The following EIF5B variants were observed in gnomAD, a reference collection of about 807,000 sequenced individuals.
The protein encoded by EIF5B is eIF-5B.
A neutral mutation model predicts 147.5 loss-of-function variants in EIF5B; 47 were observed. That is an observed-to-expected ratio of 0.32 (90% CI 0.25 to 0.41). The LOEUF (loss-of-function observed/expected upper bound fraction) is 0.41. Among genes scored for constraint, EIF5B ranks in the 10% least tolerant of loss-of-function variants. EIF5B has a pLI of 1.00. For missense variants in EIF5B, 1,064 were observed against 1,413.2 expected (o/e 0.75, Z 3.96); for synonymous variants, 455 against 456.2 (o/e 1.00, Z 0.03).
At chr2:99,340,951 G>C (rs1193848341) in intron 1 of EIF5B, among the ~76,000 whole-genome samples, 3 of 152,084 alleles carry the variant, frequency 2.0e-5, no homozygotes, top group Non-Finnish European at 4.4e-5. Context: ...TTTTAGTAGG[G>C]ACAGGGTTTC....
intron 22 of EIF5B, chr2:99,398,509 G>A (rs924048059): frequency 8.5e-6 from 3 of 354,152 alleles, no homozygotes; most frequent in Admixed American, 4.5e-5. Context: ...CAGGGCACTT[G>A]GAATGTTTTG....
rs1407039462 is a variant in EIF5B at position 99,399,991 on chromosome 2, T to C, written c.*577T>C. 6.5e-6 allele frequency: 1 copy of C among 152,882 alleles called. No individual in the cohort carries two copies. Among genetic ancestry groups the C allele is most frequent in the Non-Finnish European group, 1.5e-5 (1 of 68,258 alleles). 9.5% of individuals were successfully genotyped at this position (152,882 alleles called of 1,614,324 possible). A position where few individuals can be genotyped will look rare whatever the true frequency, so the allele number is the denominator to read the frequency against. On this transcript the variant is annotated 3_prime_UTR_variant, in exon 24 of 24. Coordinates refer to ENST00000289371, the MANE Select transcript of EIF5B (RefSeq NM_015904.4). Reference sequence around the variant, plus strand: ...AGCACAGCTGGCTGCTTTTTACTGCTTGTGTAGTCACGAGTCCATTGTAAT... The same window carrying C: ...AGCACAGCTGGCTGCTTTTTACTGCCTGTGTAGTCACGAGTCCATTGTAAT...
At chr2:99,361,959 C>T (rs1054324693) in intron 4 of EIF5B, 139 bp downstream of exon 4, 30 of 656,908 alleles carry the variant, frequency 4.6e-5, no homozygotes, top group East Asian at 6.4e-5. Context: ...TAAAAAATTA[C>T]GTCTAAGTAT....
chr2:99,382,439 G>A (rs2104230177), intron 13 of EIF5B, among the ~76,000 whole-genome samples: 1 of 152,262 alleles, frequency 6.6e-6, no homozygotes, highest in Non-Finnish European at 1.5e-5. Context: ...CCCTTAATGT[G>A]GAATGCAGAA....
At chr2:99,364,171 T>A (rs1674278650) in intron 5 of EIF5B, 100 bp from the exon 6 acceptor site, 2 of 1,435,950 alleles carry the variant, frequency 1.4e-6, no homozygotes, top group African/African-American at 1.4e-5. Context: ...ATACTTTGCA[T>A]GTGTCTCAAG....
chr2:99,364,145 G>T, intron 5 of EIF5B, 126 bp from the exon 6 acceptor site: 2 of 1,295,332 alleles, frequency 1.5e-6, no homozygotes, highest in Non-Finnish European at 1.1e-6. Context: ...ACTTTGATTT[G>T]GAATCTCCTA....
intron 9 of EIF5B, among the ~76,000 whole-genome samples, chr2:99,375,969 T>C (rs1382362692): frequency 1.3e-5 from 2 of 152,162 alleles, no homozygotes; most frequent in African/African-American, 4.8e-5. Flanking sequence ...AAGTATAGAA[T>C]GCAAATATTC....
At chr2:99,359,348 G>A (rs947959043) in intron 1 of EIF5B, among the ~76,000 whole-genome samples, 30 of 151,620 alleles carry the variant, frequency 2.0e-4, no homozygotes, top group African/African-American at 6.3e-4. Flanking sequence ...CAGCCTAGGC[G>A]ACAGAGTGAG....
chr2:99,362,955 C>T (rs368307756), intron 4 of EIF5B, among the ~76,000 whole-genome samples: 8 of 151,920 alleles, frequency 5.3e-5, no homozygotes, highest in African/African-American at 1.4e-4. Context: ...GATGGGGTTT[C>T]GTCATGTTCG....
At chr2:99,386,592 C>T (rs1213141775) in intron 14 of EIF5B, among the ~76,000 whole-genome samples, 1 of 149,088 alleles carries the variant, frequency 6.7e-6, no homozygotes, top group Non-Finnish European at 1.5e-5. Context: ...CAGTGTGGCG[C>T]ACTCTTGGTT....
Position 99,394,370 on chromosome 2 carries a change from T to G in EIF5B, c.2984T>G (p.Leu995Arg). 6.2e-7 allele frequency: 1 copy of G among 1,614,056 alleles called. No homozygotes were observed. The change falls in exon 19 of 24, where the codon CTG (leucine) becomes CGG (arginine). Residue 995 changes from leucine (L) to arginine (R), a missense_variant. Leu to Arg is a moderately radical substitution (Grantham distance 102, BLOSUM62 -2). Transcript: ENST00000289371. ...ACACTGGGTTCTTTGGAAGCTCTAC[T>G]GGAATTTCTGAAAACATCAGAAGTG... ...ASTLGSLEAL[L>R]EFLKTSEVPY... is the part of the protein sequence containing the mutation.
intron 1 of EIF5B, among the ~76,000 whole-genome samples, chr2:99,343,200 TC>T (rs2094264438): frequency 6.6e-6 from 1 of 151,076 alleles, no homozygotes; most frequent in South Asian, 2.1e-4. Context: ...AGGTGATCCA[TC>T]CGTCTTGGCT....
chr2:99,350,937 A>G (rs1450778445), intron 1 of EIF5B, among the ~76,000 whole-genome samples: 3 of 152,284 alleles, frequency 2.0e-5, no homozygotes, highest in East Asian at 1.9e-4. Flanking sequence ...AGACTCCTTC[A>G]TTAAGTATCA....
intron 8 of EIF5B, 100 bp from the exon 9 acceptor site, chr2:99,371,555 CA>C: frequency 1.3e-6 from 1 of 796,644 alleles, no homozygotes; most frequent in Non-Finnish European, 1.9e-6. Context: ...ATAATTAAAA[CA>C]TTCTTTTTTT....
At position 99,400,522 on chromosome 2, in the gene EIF5B, CAT is replaced by C. The variant is rs1467557564; in HGVS notation, c.*1110_*1111del. 5.3e-5 allele frequency: 8 copies of C among 152,186 alleles called. No homozygotes were observed. Among genetic ancestry groups the C allele is most frequent in the Middle Eastern group, 6.8e-3 (2 of 294 alleles). The allele number at this position is 152,186 out of a possible 1,614,324, so 9.4% of individuals were successfully genotyped here. On this transcript the variant is annotated 3_prime_UTR_variant, in exon 24 of 24. Coordinates refer to ENST00000289371, the MANE Select transcript of EIF5B (RefSeq NM_015904.4). ...TTTAAAGTTATGGCATAACATATAA[CAT>C]AAAAATATTTTATATACGTTTGAAA...
chr2:99,341,547 C>A (rs563696890), intron 1 of EIF5B, among the ~76,000 whole-genome samples: 1 of 152,194 alleles, frequency 6.6e-6, no homozygotes, highest in Admixed American at 6.5e-5. Flanking sequence ...ATAAGGTGGG[C>A]AGAGTGTTGT....
rs1311496337 is a variant in EIF5B, at chr2:99,396,884, G to A, written c.3379G>A (p.Val1127Ile). Residue 1127 changes from valine to isoleucine, a missense_variant, in exon 22 of 24, where the codon GTC becomes ATC. Around this residue, in one of 4 missense-constraint regions of EIF5B, gnomAD observed 380 missense variants for 715.6 expected, o/e 0.53. Transcript: ENST00000289371. ...GQVKQGTPMC[V>I]PSKNFVDIGI... ...GGTGAAACAGGGGACACCCATGTGT[G>A]TCCCAAGCAAAAATGTAAGTTCTAG... The A allele has an allele frequency of 3.8e-6, 6 of 1,598,888 alleles. No homozygotes were observed. Among genetic ancestry groups the A allele is most frequent in the Non-Finnish European group, 5.1e-6 (6 of 1,176,178 alleles).
In EIF5B at chr2:99,382,852, G is replaced by A. The variant is rs1266887332; in HGVS notation, c.2202G>A (p.Glu734=). The A allele has an allele frequency of 6.2e-7, 1 of 1,612,248 alleles. No homozygotes were observed. The highest frequency in any genetic ancestry group is 8.5e-7 in the Non-Finnish European group (1 of 1,179,248). ...TTGTTGATATTATGCATGGTTTGGA[G>A]CCCCAGACAATTGAGTCTATCAACC... ...ILVVDIMHGL[E]PQTIESINLL... is the part of the protein sequence containing the mutation. The change falls in exon 14 of 24, where the codon GAG becomes GAA. Residue 734 remains glutamate (E), a synonymous_variant. Coordinates refer to ENST00000289371, the MANE Select transcript of EIF5B (RefSeq NM_015904.4).
At chr2:99,378,551 A>C (rs569893332) in intron 10 of EIF5B, among the ~76,000 whole-genome samples, 1 of 152,220 alleles carries the variant, frequency 6.6e-6, no homozygotes, top group South Asian at 2.1e-4. Context: ...TATATTGGAT[A>C]AAAGTGTGAA....
Sources: gnomAD v4.1 joint callset for allele counts (sites outside exome capture counted in the v4.1 genomes callset) on GRCh38, gnomAD v4.1.1 for gene constraint, gnomAD v4.1.1 regional missense constraint, MANE v1.5 for transcripts, NCBI Gene and HGNC (gene_info 2026-07-23, HGNC 2026-07-21) for gene names.